ADK: variants seen among roughly 807,000 people sequenced by gnomAD.
ADK encodes the protein adenosine kinase.
ADK carries 24 observed loss-of-function variants against 44.7 expected under a neutral mutation model. The observed-to-expected ratio is 0.54, with a 90% CI of 0.39 to 0.76. The LOEUF (loss-of-function observed/expected upper bound fraction) is 0.76. ADK is among the 30% of genes least tolerant of loss of function. The pLI, the probability that ADK is intolerant of heterozygous loss-of-function variation, is 0.00. For synonymous variants in ADK, 128 were observed against 142.6 expected, an observed-to-expected ratio of 0.90 and a Z score of 0.73; for missense variants, 321 against 425.1, an observed-to-expected ratio of 0.76 and a Z score of 2.15.
intron 9 of ADK, among the ~76,000 whole-genome samples, chr10:74,622,931 C>T (rs1319650710): frequency 4.0e-5 from 6 of 151,334 alleles, no homozygotes; most frequent in South Asian, 2.1e-4. Context: ...CGTTAGAACC[C>T]GGGAGGCGGA....
chr10:74,232,742 C>T (rs1382374508), intron 3 of ADK, among the ~76,000 whole-genome samples: 1 of 152,140 alleles, frequency 6.6e-6, no homozygotes, highest in Non-Finnish European at 1.5e-5. Flanking sequence ...TCTCCTGCCT[C>T]AGCTTCCCAA....
At chr10:74,508,159 C>G (rs1032028440) in intron 6 of ADK, among the ~76,000 whole-genome samples, 9 of 151,986 alleles carry the variant, frequency 5.9e-5, no homozygotes, top group African/African-American at 2.2e-4. Context: ...ATTCAATTTA[C>G]TAGGAAAAGA....
intron 6 of ADK, among the ~76,000 whole-genome samples, chr10:74,438,844 A>G (rs796757457): frequency 1.3e-5 from 2 of 152,068 alleles, no homozygotes; most frequent in South Asian, 2.1e-4. Context: ...CCTCCTAATT[A>G]TCTATTATAT....
chr10:74,427,541 A>G (rs1844840887), intron 6 of ADK, among the ~76,000 whole-genome samples: 1 of 152,148 alleles, frequency 6.6e-6, no homozygotes, highest in African/African-American at 2.4e-5. Context: ...ATCAGAGACT[A>G]TTTTGAGCAA....
At position 74,540,884 on chromosome 10, in the gene ADK, T is replaced by C. The variant is rs181845154; in HGVS notation, c.726+15458T>C. Among the ~76,000 whole-genome samples the C allele has an allele frequency of 1.4e-4, 22 of 152,274 alleles. No homozygotes were observed. The East Asian group carries it at 4.2e-3, about 29-fold the overall frequency. On this transcript the variant is annotated intron_variant, in intron 7 of 10. Transcript: ENST00000539909. ...TAGAAAACCTGTCTTTTATCCTAGC[T>C]CTTGAGTTTTTCACAGAGAAAATAG...
intron 3 of ADK, among the ~76,000 whole-genome samples, chr10:74,314,224 A>G (rs1840542730): frequency 6.6e-6 from 1 of 152,078 alleles, no homozygotes; most frequent in Non-Finnish European, 1.5e-5. Context: ...CAAGGGTAAC[A>G]TTAAGTGAAA....
chr10:74,206,638 G>A (rs1257944585), intron 2 of ADK, among the ~76,000 whole-genome samples: 1 of 152,186 alleles, frequency 6.6e-6, no homozygotes, highest in Admixed American at 6.5e-5. Flanking sequence ...TATATAATCA[G>A]TGTTGTTATT....
At chr10:74,623,742 C>T (rs1420265442) in intron 9 of ADK, among the ~76,000 whole-genome samples, 2 of 151,532 alleles carry the variant, frequency 1.3e-5, no homozygotes, top group Admixed American at 1.3e-4. Flanking sequence ...TATACACACA[C>T]ATTAGTCTAA....
At chr10:74,633,478 ATATAT>A in intron 9 of ADK, among the ~76,000 whole-genome samples, 1 of 152,214 alleles carries the variant, frequency 6.6e-6, no homozygotes, top group Admixed American at 6.5e-5. Context: ...AGTAAACTGA[ATATAT>A]TATATATTTA....
intron 10 of ADK, among the ~76,000 whole-genome samples, chr10:74,681,773 C>T (rs1351675042): frequency 6.6e-6 from 1 of 150,988 alleles, no homozygotes; most frequent in Non-Finnish European, 1.5e-5. Flanking sequence ...TTGCTTGAAC[C>T]TGGGAGGCAG....
intron 7 of ADK, among the ~76,000 whole-genome samples, chr10:74,579,009 GGATCACCTGA>G (rs1451779210): frequency 6.6e-6 from 1 of 152,060 alleles, no homozygotes; most frequent in East Asian, 1.9e-4. Context: ...CGAGGCAGGT[GGATCACCTGA>G]GATCAGGAGT....
chr10:74,408,300 G>T (rs1430996084), intron 6 of ADK, among the ~76,000 whole-genome samples: 2 of 151,894 alleles, frequency 1.3e-5, no homozygotes, highest in Admixed American at 1.3e-4. Context: ...GCCTGAATTT[G>T]AATTTGATAA....
chr10:74,333,321 G>A, intron 4 of ADK, among the ~76,000 whole-genome samples: 1 of 152,066 alleles, frequency 6.6e-6, no homozygotes, highest in East Asian at 1.9e-4. Flanking sequence ...ATTAGGAGGG[G>A]GTATGTTGTA....
intron 6 of ADK, among the ~76,000 whole-genome samples, chr10:74,441,356 C>CA (rs1278575953): frequency 6.6e-6 from 1 of 152,158 alleles, no homozygotes; most frequent in Non-Finnish European, 1.5e-5. Flanking sequence ...AGGCTAAACA[C>CA]AGAGTTACCA....
intron 5 of ADK, among the ~76,000 whole-genome samples, chr10:74,397,545 T>TTTAC (rs1446574549): frequency 3.3e-5 from 5 of 152,102 alleles, no homozygotes; most frequent in Non-Finnish European, 7.4e-5. Context: ...TATTTATTTA[T>TTTAC]TTATTTTTTA....
chr10:74,462,688 T>C (rs959737465), intron 6 of ADK, among the ~76,000 whole-genome samples: 1 of 152,196 alleles, frequency 6.6e-6, no homozygotes, highest in Non-Finnish European at 1.5e-5. Context: ...ATATTTGCTG[T>C]GATGTTAGGT....
chr10:74,299,414 T>C (rs1342751115), intron 3 of ADK, among the ~76,000 whole-genome samples: 3 of 149,482 alleles, frequency 2.0e-5, no homozygotes, highest in Non-Finnish European at 4.4e-5. Flanking sequence ...GCAGGAGAAC[T>C]GCTCGAACCT....
chr10:74,283,683 TC>T (rs1312182825), intron 3 of ADK, among the ~76,000 whole-genome samples: 3 of 148,394 alleles, frequency 2.0e-5, no homozygotes, highest in East Asian at 2.0e-4. Context: ...TTTCTTTCTT[TC>T]TTTTTTTTTT....
chr10:74,389,912 T>C (rs12572721), intron 4 of ADK, among the ~76,000 whole-genome samples: 98,120 of 151,958 alleles, frequency 0.65, 32,977 homozygotes, highest in Middle Eastern at 0.8. Flanking sequence ...ATAGCTCTTA[T>C]TTCAGACTGT....
Sources: allele counts gnomAD v4.1 joint callset (sites outside exome capture counted in the v4.1 genomes callset), GRCh38; gene constraint gnomAD v4.1.1; transcripts MANE v1.5; gene names NCBI Gene and HGNC (gene_info 2026-07-23, HGNC 2026-07-21).